Variants in NEDD4L observed in about 807,000 individuals in gnomAD.
NEDD4L encodes E3 ubiquitin-protein ligase NEDD4-like.
Under a neutral mutation model 148.9 loss-of-function variants are expected in NEDD4L, and 54 were observed. That is an observed-to-expected ratio of 0.36 (90% CI 0.29 to 0.45). NEDD4L has a LOEUF of 0.45. Ranked by LOEUF, NEDD4L falls within the 20% of genes least tolerant of loss-of-function variation. The pLI is 1.00. For missense variants in NEDD4L, 856 were observed against 1,233.8 expected, an observed-to-expected ratio of 0.69 and a Z score of 4.59; for synonymous variants, 433 against 440.7, an observed-to-expected ratio of 0.98 and a Z score of 0.22.
chr18:58,240,560 A>G (rs951821441), intron 2 of NEDD4L, among the ~76,000 whole-genome samples: 3 of 152,084 alleles, frequency 2.0e-5, no homozygotes, highest in African/African-American at 7.2e-5. Context: ...GTTGGCATGG[A>G]TTCCCTCTCC....
At chr18:58,124,462 G>A (rs2030649046) in intron 1 of NEDD4L, among the ~76,000 whole-genome samples, 1 of 152,148 alleles carries the variant, frequency 6.6e-6, no homozygotes, top group African/African-American at 2.4e-5. Context: ...TGCTCCAAGT[G>A]CCTTCTGTGC....
chr18:58,393,338 C>G (rs932185688), intron 30 of NEDD4L, among the ~76,000 whole-genome samples: 1 of 152,144 alleles, frequency 6.6e-6, no homozygotes, highest in Non-Finnish European at 1.5e-5. Context: ...GGAATTTGGA[C>G]TTCATTGGTC....
intron 1 of NEDD4L, among the ~76,000 whole-genome samples, chr18:58,125,358 GGTGTGTGTGTGTGTGTGT>G: frequency 6.7e-6 from 1 of 148,712 alleles, no homozygotes; most frequent in East Asian, 2.0e-4. Context: ...CCACCAGGAG[GGTGTGTGTGTGTGTGTGT>G]GTGTGTGTGT....
chr18:58,337,455 C>G (rs1265221889), intron 13 of NEDD4L, among the ~76,000 whole-genome samples: 2 of 152,200 alleles, frequency 1.3e-5, no homozygotes, highest in African/African-American at 4.8e-5. Flanking sequence ...GCACATCACT[C>G]ACACTGAAGT....
chr18:58,221,631 T>G (rs1233682207), intron 2 of NEDD4L: 1 of 985,314 alleles, frequency 1.0e-6, no homozygotes, highest in Non-Finnish European at 1.2e-6. Flanking sequence ...CGGGCACTGC[T>G]TTAAAACTGG....
intron 2 of NEDD4L, among the ~76,000 whole-genome samples, chr18:58,231,664 G>A (rs1448738342): frequency 6.6e-6 from 1 of 152,192 alleles, no homozygotes; most frequent in African/African-American, 2.4e-5. Context: ...CAAGGTTCAA[G>A]CAGTTCTCCT....
chr18:58,359,254 A>G (rs1349176596), intron 19 of NEDD4L, among the ~76,000 whole-genome samples: 1 of 151,724 alleles, frequency 6.6e-6, no homozygotes, highest in Non-Finnish European at 1.5e-5. Flanking sequence ...GCGATATTTT[A>G]TCTTCTTTCT....
chr18:58,191,989 G>A (rs1183046871), intron 2 of NEDD4L, among the ~76,000 whole-genome samples: 1 of 152,042 alleles, frequency 6.6e-6, no homozygotes, highest in Non-Finnish European at 1.5e-5. Flanking sequence ...TGGGTAACAC[G>A]GTGAAACTCC....
Position 58,251,993 on chromosome 18 carries a change from C to T in NEDD4L, c.244-8C>T, listed in dbSNP as rs759351577. Reference sequence around the variant, plus strand: ...TCGTTTAAAAAATACTATTTATGTTCCTTATAGGTAAACCCATCTAATCAC... The same window carrying T: ...TCGTTTAAAAAATACTATTTATGTTTCTTATAGGTAAACCCATCTAATCAC... On this transcript the variant is annotated splice_polypyrimidine_tract_variant and splice_region_variant and intron_variant, in intron 4 of 30. Transcript: ENST00000400345. The T allele has an allele frequency of 1.3e-6, 2 of 1,501,942 alleles. No homozygotes were observed. 93.0% of individuals were successfully genotyped at this position (1,501,942 alleles called of 1,614,324 possible). A position where few individuals can be genotyped will look rare whatever the true frequency, so the allele number is the denominator to read the frequency against.
chr18:58,151,252 T>C (rs1448009517), intron 1 of NEDD4L, among the ~76,000 whole-genome samples: 2 of 152,168 alleles, frequency 1.3e-5, no homozygotes, highest in Non-Finnish European at 2.9e-5. Flanking sequence ...GGACCATGCA[T>C]GGGAAGAAAC....
intron 1 of NEDD4L, among the ~76,000 whole-genome samples, chr18:58,142,821 C>G (rs531460770): frequency 2.1e-5 from 3 of 142,894 alleles, no homozygotes; most frequent in African/African-American, 7.7e-5. Context: ...AGTGTATAGA[C>G]CTCACCTTTT....
At chr18:58,062,860 C>T (rs1014481121) in intron 1 of NEDD4L, among the ~76,000 whole-genome samples, 11 of 151,924 alleles carry the variant, frequency 7.2e-5, no homozygotes, top group South Asian at 2.1e-4. Flanking sequence ...TTGTGACAGG[C>T]GCCTGTAGTC....
At position 58,301,979 on chromosome 18, in the gene NEDD4L, C is replaced by T. The variant is rs75702196; in HGVS notation, c.298-14003C>T. 1.7e-3 allele frequency among the ~76,000 whole-genome samples: 255 copies of T among 152,252 alleles called. 1 individual carries two copies. Among genetic ancestry groups the T allele is most frequent in the African/African-American group, 5.8e-3 (242 of 41,554 alleles). On this transcript the variant is annotated intron_variant, in intron 5 of 30. Coordinates refer to ENST00000400345, the MANE Select transcript of NEDD4L (RefSeq NM_001144967.3). ...TCACATCCCCTTGTTGCCCCTGCCCCGGTGATAGGGGGATTCACTAAGAAC... is the reference window on the plus strand; with the variant it reads ...TCACATCCCCTTGTTGCCCCTGCCCTGGTGATAGGGGGATTCACTAAGAAC...
chr18:58,044,923 G>C, intron 1 of NEDD4L: 1 of 481,742 alleles, frequency 2.1e-6, no homozygotes, highest in Non-Finnish European at 3.6e-6. Context: ...TAAATAAAGC[G>C]GCGCGACGCC....
intron 1 of NEDD4L, among the ~76,000 whole-genome samples, chr18:58,162,889 C>G (rs2036396107): frequency 6.6e-6 from 1 of 151,892 alleles, no homozygotes; most frequent in South Asian, 2.1e-4. Flanking sequence ...CATGGTGAAA[C>G]CCCATCTCTA....
intron 5 of NEDD4L, among the ~76,000 whole-genome samples, chr18:58,261,404 G>A (rs1317924903): frequency 6.6e-6 from 1 of 152,136 alleles, no homozygotes; most frequent in South Asian, 2.1e-4. Context: ...AAACAATATA[G>A]TGTTATATCT....
At chr18:58,182,926 C>T (rs981325319) in intron 2 of NEDD4L, among the ~76,000 whole-genome samples, 2 of 152,226 alleles carry the variant, frequency 1.3e-5, no homozygotes, top group Non-Finnish European at 2.9e-5. Context: ...GAAAGATACT[C>T]CCTCTCCTCC....
chr18:58,193,955 G>A (rs1485290150), intron 2 of NEDD4L: 1 of 152,310 alleles, frequency 6.6e-6, no homozygotes, highest in African/African-American at 2.4e-5. Context: ...TCCGTTCTGG[G>A]GAAGGATTGG....
chr18:58,180,559 C>T (rs1379251247), intron 2 of NEDD4L, among the ~76,000 whole-genome samples: 1 of 152,234 alleles, frequency 6.6e-6, no homozygotes, highest in Non-Finnish European at 1.5e-5. Context: ...TCTGCCTCCC[C>T]ACCCCTTGGC....
Sources: gnomAD v4.1 joint callset for allele counts (sites outside exome capture counted in the v4.1 genomes callset) on GRCh38, gnomAD v4.1.1 for gene constraint, MANE v1.5 for transcripts, NCBI Gene and HGNC (gene_info 2026-07-23, HGNC 2026-07-21) for gene names.